NCOR2: variants seen among roughly 807,000 people sequenced by gnomAD.
The protein encoded by NCOR2 is CTG repeat protein 26.
A neutral mutation model predicts 262.9 loss-of-function variants in NCOR2; 81 were observed. The ratio of observed to expected loss-of-function variants is 0.31; its 90% CI spans 0.26 to 0.37. The LOEUF is 0.37. Ranked by LOEUF, NCOR2 falls within the 10% of genes least tolerant of loss-of-function variation. The pLI is 1.00. For synonymous variants in NCOR2, 1,659 were observed against 1,559.3 expected (o/e 1.06, Z -1.51); for missense variants, 3,385 against 3,621.4 (o/e 0.93, Z 1.68).
chr12:124,547,868 T>C (rs2051587519), intron 1 of NCOR2, among the ~76,000 whole-genome samples: 1 of 152,228 alleles, frequency 6.6e-6, no homozygotes, highest in South Asian at 2.1e-4. Flanking sequence ...GGCTGAATAA[T>C]ATTCCATTGT....
At chr12:124,532,881 T>TAAC (rs2050891238) in intron 1 of NCOR2, among the ~76,000 whole-genome samples, 3 of 42,732 alleles carry the variant, frequency 7.0e-5, no homozygotes, top group African/African-American at 8.8e-5. Context: ...TTCCCCCACC[T>TAAC]CCAAATCCCA....
At chr12:124,451,098 G>A (rs2045497162) in intron 6 of NCOR2, among the ~76,000 whole-genome samples, 1 of 152,276 alleles carries the variant, frequency 6.6e-6, no homozygotes, top group Admixed American at 6.5e-5. Context: ...GCAGAGGCTT[G>A]AAGATGCGAG....
chr12:124,372,508 C>T (rs762561340), exon 20 of NCOR2: 2 of 1,590,120 alleles, frequency 1.3e-6, no homozygotes, highest in African/African-American at 1.3e-5. Flanking sequence ...CCCGTCGGCG[C>T]CCAGGGTGGC....
At chr12:124,485,520 G>A (rs1147289) in intron 2 of NCOR2, among the ~76,000 whole-genome samples, 19,616 of 152,278 alleles carry the variant, frequency 0.13, 1,289 homozygotes, top group East Asian at 0.18. Flanking sequence ...TTCAGATCAC[G>A]GGAATGCACT....
At chr12:124,491,552 C>T (rs2048083838) in intron 1 of NCOR2, among the ~76,000 whole-genome samples, 1 of 152,236 alleles carries the variant, frequency 6.6e-6, no homozygotes, top group Admixed American at 6.5e-5. Flanking sequence ...CCCAAGGCCA[C>T]ACAGCAGAAA....
chr12:124,494,710 C>T (rs957733216), intron 1 of NCOR2, among the ~76,000 whole-genome samples: 7 of 152,236 alleles, frequency 4.6e-5, no homozygotes, highest in Non-Finnish European at 8.8e-5. Context: ...AAGGTGAATA[C>T]ACACGGAACG....
rs373767918 is a variant in NCOR2 at position 124,378,365 on chromosome 12, C to T, written c.2039G>A (p.Arg680Gln). 9 of 1,613,040 alleles carry T rather than the reference C, an allele frequency of 5.6e-6. No homozygotes were observed. The highest frequency in any genetic ancestry group is 3.3e-5 in the Admixed American group (2 of 59,958). The change falls in exon 18 of 47, where the codon CGG becomes CAG. Residue 680 changes from arginine to glutamine, a missense_variant. Transcript: ENST00000405201. This position sits in a 1 kb window ranked among gnomAD's most constrained non-coding sequence, Gnocchi z 4.2. ...CGCCGGCGCTTTCTTCTTCTTCCTC[C>T]GCGCGTTCCTCTCCTTCTCCTGGGG...
intron 16 of NCOR2, among the ~76,000 whole-genome samples, chr12:124,394,055 G>A (rs1289956224): frequency 1.3e-5 from 2 of 152,266 alleles, no homozygotes; most frequent in Non-Finnish European, 2.9e-5. Flanking sequence ...CAGAGGTGGC[G>A]GGGGCCGAGG....
intron 2 of NCOR2, among the ~76,000 whole-genome samples, chr12:124,486,075 T>C (rs2047752747): frequency 6.6e-6 from 1 of 152,002 alleles, no homozygotes; most frequent in African/African-American, 2.4e-5. Flanking sequence ...GGGTGTCCTC[T>C]GCCAGCTGGA....
chr12:124,526,606 A>G (rs1038219279), intron 1 of NCOR2, among the ~76,000 whole-genome samples: 3 of 152,176 alleles, frequency 2.0e-5, no homozygotes, highest in African/African-American at 7.2e-5. Context: ...GCACATGCTC[A>G]GGTCCTGAGG....
exon 31 of NCOR2, chr12:124,346,765 G>A (rs751847250): frequency 2.6e-6 from 4 of 1,558,314 alleles, no homozygotes; most frequent in Non-Finnish European, 3.5e-6. Context: ...AGGGCGGTGG[G>A]GGCGGAGGCG....
intron 16 of NCOR2, among the ~76,000 whole-genome samples, chr12:124,394,540 T>TA (rs1375394649): frequency 1.3e-5 from 2 of 152,214 alleles, no homozygotes; most frequent in African/African-American, 4.8e-5. Flanking sequence ...CGTGGGGTCA[T>TA]ACTGGATTGG....
At chr12:124,326,521 C>T (rs1298518801) in intron 45 of NCOR2, 151 bp from the exon 48 acceptor site, 5 of 764,464 alleles carry the variant, frequency 6.5e-6, no homozygotes, top group Admixed American at 3.9e-5. Flanking sequence ...CCCTGCTGCC[C>T]GCCCCAGCTG....
chr12:124,398,149 T>C, exon 16 of NCOR2: 1 of 1,614,230 alleles, frequency 6.2e-7, no homozygotes, highest in Non-Finnish European at 8.5e-7. Context: ...TCTTCTTCTG[T>C]CCAGCGAGAA....
At chr12:124,515,240 C>A (rs1021053641) in intron 1 of NCOR2, among the ~76,000 whole-genome samples, 4 of 152,150 alleles carry the variant, frequency 2.6e-5, no homozygotes, top group African/African-American at 9.7e-5. Flanking sequence ...TGATGGCATG[C>A]GCCTGTAGTC....
Position 124,548,951 on chromosome 12 carries a change from G to A in NCOR2, c.-164-13340C>T, listed in dbSNP as rs701021. Among the ~76,000 whole-genome samples, 131,027 of 152,150 alleles carry A rather than the reference G, an allele frequency of 0.86. 56,567 individuals carry two copies. The highest frequency in any genetic ancestry group is 1 in the East Asian group (5,159 of 5,180). On this transcript the variant is annotated intron_variant, in intron 1 of 32. Transcript: ENST00000458234. This position sits in a 1 kb window ranked among gnomAD's most constrained non-coding sequence, Gnocchi z 5.1. ...TGGGAGCCAGCCACTCCTCCCTCTC[G>A]TTTCCCCGCTTCCCCTTACCCGACG... is the stretch of plus-strand genomic sequence containing the variant.
At chr12:124,514,986 A>G (rs1318458037) in intron 1 of NCOR2, among the ~76,000 whole-genome samples, 2 of 151,808 alleles carry the variant, frequency 1.3e-5, no homozygotes, top group African/African-American at 4.8e-5. Flanking sequence ...TGCCCACGGG[A>G]CACAAGCCTC....
In NCOR2 at chr12:124,566,566, T is replaced by C. The variant is rs1253962342; in HGVS notation, c.-165+742A>G. Among the ~76,000 whole-genome samples, 3 of 152,218 alleles carry C rather than the reference T, an allele frequency of 2.0e-5. No homozygotes were observed. The highest frequency in any genetic ancestry group is 7.2e-5 in the African/African-American group (3 of 41,458). ...GCCCTCTAGACAAGGGTCTGGGTCT[T>C]CCCAGTCGTGCCCAAGTGGGATCAG... On this transcript the variant is annotated intron_variant, in intron 1 of 32. Coordinates refer to the NCOR2 transcript ENST00000458234. This position sits in a 1 kb window ranked among gnomAD's most constrained non-coding sequence, Gnocchi z 4.3.
chr12:124,502,522 G>C (rs2048802365), intron 1 of NCOR2, among the ~76,000 whole-genome samples: 1 of 152,126 alleles, frequency 6.6e-6, no homozygotes. Context: ...GCCGGGGAGA[G>C]GAGGGAGTCT....
Sources: gnomAD v4.1 joint callset for allele counts (sites outside exome capture counted in the v4.1 genomes callset) on GRCh38, gnomAD v4.1.1 for gene constraint, Gnocchi (gnomAD v3.1) non-coding constraint, MANE v1.5 for transcripts, NCBI Gene and HGNC (gene_info 2026-07-23, HGNC 2026-07-21) for gene names.